Variants in FILIP1L observed in about 807,000 individuals in gnomAD.
FILIP1L encodes filamin A interacting protein 1 like, also known as filamin A-interacting protein 1-like.
FILIP1L carries 55 observed loss-of-function variants against 96.6 expected under a neutral mutation model. That is an observed-to-expected ratio of 0.57 (90% CI 0.46 to 0.71). The LOEUF (loss-of-function observed/expected upper bound fraction) is 0.71. Ranked by LOEUF, FILIP1L falls within the 30% of genes least tolerant of loss-of-function variation. FILIP1L has a pLI of 0.00. For missense variants in FILIP1L, 1,304 were observed against 1,321.2 expected (o/e 0.99, Z 0.20); for synonymous variants, 467 against 473.9 (o/e 0.99, Z 0.19).
chr3:99,938,939 A>G (rs1055031015), intron 1 of FILIP1L, among the ~76,000 whole-genome samples: 1 of 152,210 alleles, frequency 6.6e-6, no homozygotes, highest in African/African-American at 2.4e-5. Context: ...ACAATTGAAA[A>G]CAAGATAACC....
chr3:99,993,282 G>A (rs1189135470), intron 1 of FILIP1L, among the ~76,000 whole-genome samples: 1 of 151,920 alleles, frequency 6.6e-6, no homozygotes, highest in East Asian at 1.9e-4. Context: ...CTATGAGCAT[G>A]GATGTTTTTT....
Position 99,858,732 on chromosome 3 carries a change from ATG to A in FILIP1L, c.606-7664_606-7663del, listed in dbSNP as rs372922213. On this transcript the variant is annotated intron_variant, in intron 4 of 5. Transcript: ENST00000477258. ...AAACTCCATATACACTTCTGAGAGA[ATG>A]AGAGAGAAAAAGGTTGTGTTATTAT... is the stretch of plus-strand genomic sequence containing the variant. Among the ~76,000 whole-genome samples the A allele has an allele frequency of 3.3e-3, 507 of 152,298 alleles. 2 individuals are homozygous for A. The highest frequency in any genetic ancestry group is 6.0e-3 in the Non-Finnish European group (406 of 68,030).
At chr3:100,084,501 AT>A in intron 1 of FILIP1L, among the ~76,000 whole-genome samples, 1 of 152,192 alleles carries the variant, frequency 6.6e-6, no homozygotes, top group Non-Finnish European at 1.5e-5. Flanking sequence ...TGCTCCAAAG[AT>A]TTGTTTAAAA....
chr3:99,886,689 C>T (rs769211643), intron 4 of FILIP1L, among the ~76,000 whole-genome samples: 6 of 152,148 alleles, frequency 3.9e-5, no homozygotes, highest in Admixed American at 6.5e-5. Context: ...CGTGGTGGCT[C>T]ATGCCTGTAA....
intron 1 of FILIP1L, among the ~76,000 whole-genome samples, chr3:99,969,575 A>G (rs1708754259): frequency 1.3e-5 from 2 of 152,322 alleles, no homozygotes; most frequent in South Asian, 2.1e-4. Flanking sequence ...CCAACTGGGT[A>G]AAGCAGTGAG....
chr3:100,084,548 T>G (rs1174169998), intron 1 of FILIP1L, among the ~76,000 whole-genome samples: 1 of 152,196 alleles, frequency 6.6e-6, no homozygotes, highest in Non-Finnish European at 1.5e-5. Flanking sequence ...CAATACAGTG[T>G]TATGGGAAGT....
chr3:99,971,673 G>A (rs1383012967), intron 1 of FILIP1L, among the ~76,000 whole-genome samples: 1 of 152,194 alleles, frequency 6.6e-6, no homozygotes, highest in African/African-American at 2.4e-5. Context: ...CTTTAGACCT[G>A]CTTTCATCAG....
chr3:99,971,599 T>G (rs1394265009), intron 1 of FILIP1L, among the ~76,000 whole-genome samples: 2 of 152,204 alleles, frequency 1.3e-5, no homozygotes, highest in Non-Finnish European at 2.9e-5. Context: ...GCTTTTGTCT[T>G]GTAGCCACTC....
intron 4 of FILIP1L, among the ~76,000 whole-genome samples, chr3:99,879,332 G>A (rs562150722): frequency 5.9e-5 from 9 of 152,312 alleles, no homozygotes; most frequent in Admixed American, 2.6e-4. Context: ...AGTTTCCCTG[G>A]TTCGAGCTAA....
rs117355058 is a variant in FILIP1L, at chr3:100,031,702, G to A, written c.-11+82351C>T. 6.8e-4 allele frequency among the ~76,000 whole-genome samples: 104 copies of A among 152,104 alleles called. 1 individual carries two copies. The East Asian group carries it at 0.018, about 27-fold the overall frequency. On this transcript the variant is annotated intron_variant, in intron 1 of 5. Coordinates refer to ENST00000477258, the MANE Select transcript of FILIP1L (RefSeq NM_001387850.1). ...TTTCCTTCTAAGGCTGAGGATCTAC[G>A]ACAAGAAGGCAAAGACAGGGAGGGA...
At chr3:100,098,809 A>C (rs941056391) in intron 1 of FILIP1L, among the ~76,000 whole-genome samples, 2 of 152,238 alleles carry the variant, frequency 1.3e-5, no homozygotes, top group African/African-American at 2.4e-5. Flanking sequence ...TAAACTAGGA[A>C]AATATTTTAG....
At chr3:99,991,934 GTA>G (rs1559717201) in intron 1 of FILIP1L, among the ~76,000 whole-genome samples, 2 of 144,774 alleles carry the variant, frequency 1.4e-5, no homozygotes, top group Non-Finnish European at 3.0e-5. Context: ...ACACACATAT[GTA>G]TGTGTATATA....
At chr3:99,954,404 T>A (rs1206900032) in intron 1 of FILIP1L, among the ~76,000 whole-genome samples, 1 of 152,164 alleles carries the variant, frequency 6.6e-6, no homozygotes, top group Non-Finnish European at 1.5e-5. Flanking sequence ...GGCTCCCAGT[T>A]TAACACAAAC....
At chr3:99,900,818 G>T (rs1196492351) in intron 4 of FILIP1L, among the ~76,000 whole-genome samples, 1 of 152,176 alleles carries the variant, frequency 6.6e-6, no homozygotes, top group Non-Finnish European at 1.5e-5. Context: ...ATGTGCCCCG[G>T]TTATCAGGTT....
At chr3:99,883,333 A>G (rs543225337) in intron 4 of FILIP1L, among the ~76,000 whole-genome samples, 2 of 152,322 alleles carry the variant, frequency 1.3e-5, no homozygotes, top group South Asian at 4.1e-4. Context: ...TTGCTTTGAC[A>G]TAAAAGTCTT....
intron 1 of FILIP1L, among the ~76,000 whole-genome samples, chr3:100,055,478 C>T (rs533210945): frequency 4.5e-4 from 69 of 152,192 alleles, no homozygotes; most frequent in African/African-American, 1.6e-3. Context: ...ATTTGTCTCT[C>T]GTTAAGTATT....
At chr3:100,096,059 A>G (rs1026427149) in intron 1 of FILIP1L, among the ~76,000 whole-genome samples, 2 of 152,194 alleles carry the variant, frequency 1.3e-5, no homozygotes, top group African/African-American at 4.8e-5. Flanking sequence ...CTGCACATCA[A>G]AACTGTAATG....
At chr3:100,071,852 T>C (rs2065769128) in intron 1 of FILIP1L, among the ~76,000 whole-genome samples, 1 of 152,154 alleles carries the variant, frequency 6.6e-6, no homozygotes, top group African/African-American at 2.4e-5. Flanking sequence ...CCAACTTCAT[T>C]ATTTCCCAGG....
chr3:100,107,286 TAG>T (rs2066411792), intron 1 of FILIP1L, among the ~76,000 whole-genome samples: 1 of 152,182 alleles, frequency 6.6e-6, no homozygotes, highest in Non-Finnish European at 1.5e-5. Flanking sequence ...CTAGGTTATT[TAG>T]GTCATGATTG....
Sources: gnomAD v4.1 joint callset for allele counts (sites outside exome capture counted in the v4.1 genomes callset) on GRCh38, gnomAD v4.1.1 for gene constraint, MANE v1.5 for transcripts, NCBI Gene and HGNC (gene_info 2026-07-23, HGNC 2026-07-21) for gene names.